Variants in TMEM135 observed in about 807,000 individuals in gnomAD.
The protein encoded by TMEM135 is peroxisomal membrane protein 52.
TMEM135 carries 30 observed loss-of-function variants against 60.3 expected under a neutral mutation model. That is an observed-to-expected ratio of 0.50 (90% CI 0.37 to 0.68). The LOEUF (loss-of-function observed/expected upper bound fraction) is 0.68, where lower values mean the gene tolerates loss of function less well. Ranked by LOEUF, TMEM135 falls within the 30% of genes least tolerant of loss-of-function variation. TMEM135 has a pLI of 0.00. For missense variants in TMEM135, 468 were observed against 548.8 expected (o/e 0.85, Z 1.47); for synonymous variants, 190 against 186.7 (o/e 1.02, Z -0.14).
At chr11:87,286,459 C>G (rs926006189) in intron 6 of TMEM135, among the ~76,000 whole-genome samples, 1 of 152,244 alleles carries the variant, frequency 6.6e-6, no homozygotes, top group Non-Finnish European at 1.5e-5. Context: ...CTGGCTTCGC[C>G]TAGTGGACCC....
At chr11:87,178,438 T>C (rs956889175) in intron 5 of TMEM135, 2 of 456,070 alleles carry the variant, frequency 4.4e-6, no homozygotes, top group African/African-American at 4.0e-5. Context: ...CTTAACATAA[T>C]GCGTTTTGTT....
chr11:87,182,261 A>C (rs191341122), intron 5 of TMEM135, among the ~76,000 whole-genome samples: 129 of 152,212 alleles, frequency 8.5e-4, no homozygotes, highest in Admixed American at 2.7e-3. Flanking sequence ...CAGATTCTGC[A>C]CTCAAATTAA....
At chr11:87,171,453 A>C (rs1391940904) in intron 5 of TMEM135, among the ~76,000 whole-genome samples, 6 of 152,078 alleles carry the variant, frequency 3.9e-5, no homozygotes, top group Admixed American at 3.9e-4. Context: ...TGGAGTAGCC[A>C]GTGTCCTATG....
At chr11:87,282,386 T>G (rs1163385107) in intron 6 of TMEM135, among the ~76,000 whole-genome samples, 1 of 152,040 alleles carries the variant, frequency 6.6e-6, no homozygotes, top group African/African-American at 2.4e-5. Flanking sequence ...TGTCCCAGCC[T>G]CCCAAGTAGC....
chr11:87,305,815 T>G, intron 8 of TMEM135, 121 bp from the exon 9 acceptor site: 1 of 441,022 alleles, frequency 2.3e-6, no homozygotes, highest in Admixed American at 4.0e-5. Context: ...AAAGTGATGT[T>G]TTCTTCTCTC....
intron 6 of TMEM135, among the ~76,000 whole-genome samples, chr11:87,288,992 A>C (rs1216198994): frequency 6.6e-6 from 1 of 152,202 alleles, no homozygotes; most frequent in Non-Finnish European, 1.5e-5. Context: ...TAAATAAGTA[A>C]ATAAAACAAG....
rs1034118127 is a variant in TMEM135, at chr11:87,055,665, A to G, written c.142-12029A>G. The stretch of plus-strand genomic sequence containing the variant: ...GAGTGCAATAGCACGATCTCGGCTC[A>G]CGCCAACCTCCGCCTCCTAGGTTCA... On this transcript the variant is annotated intron_variant, in intron 1 of 14. Coordinates refer to ENST00000305494, the MANE Select transcript of TMEM135 (RefSeq NM_022918.4). Among the ~76,000 whole-genome samples, 11 of 151,438 alleles carry G rather than the reference A, an allele frequency of 7.3e-5. No individual in the cohort carries two copies. In the South Asian group the frequency reaches 2.3e-3, roughly 32 times the overall value.
chr11:87,289,437 C>CTTTTTTTTTTTTTTTTTTTTT (rs376999371), intron 6 of TMEM135, among the ~76,000 whole-genome samples: 2 of 87,606 alleles, frequency 2.3e-5, no homozygotes, highest in Non-Finnish European at 2.0e-5. Flanking sequence ...ATCTCCATAT[C>CTTTTTTTTTTTTTTTTTTTTT]TTTTTTTTTT....
chr11:87,120,113 CTTCTTTTTT>C (rs1858009674), intron 4 of TMEM135, among the ~76,000 whole-genome samples: 2 of 135,024 alleles, frequency 1.5e-5, no homozygotes, highest in African/African-American at 5.5e-5. Flanking sequence ...TTTTCTTCTT[CTTCTTTTTT>C]TTTTTTTTTT....
chr11:87,046,975 G>A (rs1355476153), intron 1 of TMEM135, among the ~76,000 whole-genome samples: 4 of 152,148 alleles, frequency 2.6e-5, no homozygotes, highest in South Asian at 2.1e-4. Flanking sequence ...TCTATAAAAT[G>A]AGGATAAAAT....
chr11:87,041,552 C>T (rs1013257093), intron 1 of TMEM135, among the ~76,000 whole-genome samples: 10 of 152,070 alleles, frequency 6.6e-5, no homozygotes, highest in South Asian at 2.1e-4. Flanking sequence ...GAAAAATTAC[C>T]GAATCGCATG....
rs745545540 is a variant in TMEM135 at position 87,218,524 on chromosome 11, GA to G, written c.463-18109del. ...CTACTATCTGTTACCTAGATAATCT[GA>G]AAAATGAATATACCAGCTGATATTG... On this transcript the variant is annotated intron_variant, in intron 5 of 14. Coordinates refer to ENST00000305494, the MANE Select transcript of TMEM135 (RefSeq NM_022918.4). Among the ~76,000 whole-genome samples, 21 of 152,188 alleles carry G rather than the reference GA, an allele frequency of 1.4e-4. No individual in the cohort carries two copies. The South Asian group carries it at 4.1e-3, about 30-fold the overall frequency.
In TMEM135 at chr11:87,304,953, A is replaced by G. The variant is rs557667807; in HGVS notation, c.699-983A>G. Reference sequence around the variant, plus strand: ...GGATTTAACATGCTAAACCACTAAAATGAGTGCATCCTGAACAGTAGTCCT... The same window carrying G: ...GGATTTAACATGCTAAACCACTAAAGTGAGTGCATCCTGAACAGTAGTCCT... On this transcript the variant is annotated intron_variant, in intron 8 of 14. Coordinates refer to ENST00000305494, the MANE Select transcript of TMEM135 (RefSeq NM_022918.4). Among the ~76,000 whole-genome samples the G allele has an allele frequency of 8.5e-5, 13 of 152,334 alleles. No individual in the cohort carries two copies. The South Asian group carries it at 2.7e-3, about 32-fold the overall frequency.
At position 87,322,377 on chromosome 11, in the gene TMEM135, G is replaced by T. The variant is rs1362883101; in HGVS notation, c.*1044G>T. ...TCCATTTGTCACTAATTCCATTCAG[G>T]TTCTCCAACCTTCTTCTTGAATATC... On this transcript the variant is annotated 3_prime_UTR_variant, in exon 15 of 15. Coordinates refer to ENST00000305494, the MANE Select transcript of TMEM135 (RefSeq NM_022918.4). The T allele has an allele frequency of 8.8e-6, 4 of 453,848 alleles. No individual in the cohort carries two copies. The East Asian group carries it at 2.8e-4, about 32-fold the overall frequency. 28.1% of individuals were successfully genotyped at this position (453,848 alleles called of 1,614,324 possible).
chr11:87,203,629 T>C (rs755652764), intron 5 of TMEM135, among the ~76,000 whole-genome samples: 7 of 152,242 alleles, frequency 4.6e-5, no homozygotes, highest in Non-Finnish European at 7.3e-5. Context: ...CTCGGTTGCT[T>C]CTAAGTTTTG....
chr11:87,219,684 G>A (rs867771668), intron 5 of TMEM135, among the ~76,000 whole-genome samples: 1 of 152,096 alleles, frequency 6.6e-6, no homozygotes, highest in African/African-American at 2.4e-5. Flanking sequence ...TTGGGGATTA[G>A]GGCTTTAACA....
chr11:87,122,854 C>T (rs1251214961), intron 4 of TMEM135, among the ~76,000 whole-genome samples: 1 of 152,150 alleles, frequency 6.6e-6, no homozygotes, highest in African/African-American at 2.4e-5. Context: ...TGCACCTGAA[C>T]CCTCTCTCAG....
At chr11:87,099,683 T>G (rs1051807139) in intron 4 of TMEM135, among the ~76,000 whole-genome samples, 12 of 41,846 alleles carry the variant, frequency 2.9e-4, no homozygotes, top group African/African-American at 1.8e-3. Context: ...TTCATGGTGG[T>G]TTTTTTTTTT....
At chr11:87,232,789 A>G (rs541748876) in intron 5 of TMEM135, among the ~76,000 whole-genome samples, 4 of 152,248 alleles carry the variant, frequency 2.6e-5, no homozygotes, top group African/African-American at 9.6e-5. Flanking sequence ...CAATTTAGAG[A>G]TGTGTACTAT....
Sources: allele counts gnomAD v4.1 joint callset (sites outside exome capture counted in the v4.1 genomes callset), GRCh38; gene constraint gnomAD v4.1.1; transcripts MANE v1.5; gene names NCBI Gene and HGNC (gene_info 2026-07-23, HGNC 2026-07-21).